LUZP2: variants seen among roughly 807,000 people sequenced by gnomAD.
LUZP2 encodes the protein leucine zipper protein 2.
A neutral mutation model predicts 51.6 loss-of-function variants in LUZP2; 52 were observed. The observed-to-expected ratio is 1.01, with a 90% CI of 0.81 to 1.27. The LOEUF is 1.27. LUZP2 is among the 50% of genes most tolerant of loss of function. The probability of loss-of-function intolerance (pLI) is 0.00; values close to 1 mark genes in which losing one functional copy is unlikely to be tolerated. For synonymous variants in LUZP2, 154 were observed against 137.3 expected (o/e 1.12, Z -0.85); for missense variants, 436 against 395.4 (o/e 1.10, Z -0.87).
At chr11:24,559,252 G>A (rs1297164972) in intron 1 of LUZP2, among the ~76,000 whole-genome samples, 1 of 151,966 alleles carries the variant, frequency 6.6e-6, no homozygotes, top group Admixed American at 6.6e-5. Flanking sequence ...AAATTATAAA[G>A]TCCTGGAAAC....
intron 1 of LUZP2, among the ~76,000 whole-genome samples, chr11:24,587,644 ACATCTTGTGATG>A (rs1194511508): frequency 8.5e-5 from 13 of 152,126 alleles, no homozygotes; most frequent in Admixed American, 8.5e-4. Context: ...AAAACTCAAA[ACATCTTGTGATG>A]ACTACATATT....
intron 7 of LUZP2, among the ~76,000 whole-genome samples, chr11:24,933,768 C>A (rs1282728215): frequency 6.6e-6 from 1 of 152,112 alleles, no homozygotes; most frequent in Non-Finnish European, 1.5e-5. Flanking sequence ...AGCAATAAAT[C>A]TTTTTAATTA....
intron 8 of LUZP2, among the ~76,000 whole-genome samples, chr11:24,981,335 G>T (rs1422674717): frequency 1.3e-5 from 2 of 151,768 alleles, no homozygotes; most frequent in Middle Eastern, 3.2e-3. Flanking sequence ...TTTGTAAAAT[G>T]TCATGGTACT....
intron 1 of LUZP2, among the ~76,000 whole-genome samples, chr11:24,572,298 G>A (rs1852469238): frequency 6.6e-6 from 1 of 151,876 alleles, no homozygotes; most frequent in South Asian, 2.1e-4. Flanking sequence ...GACTCAATTT[G>A]TTAGTTTAGA....
chr11:24,768,798 TG>T (rs1860291427), intron 5 of LUZP2, among the ~76,000 whole-genome samples: 1 of 152,022 alleles, frequency 6.6e-6, no homozygotes, highest in Non-Finnish European at 1.5e-5. Flanking sequence ...ACACTAGGGG[TG>T]GGACTTCAGT....
rs567710512 is a variant in LUZP2, at chr11:24,557,426, T to G, written c.62+60121T>G. Among the ~76,000 whole-genome samples the G allele has an allele frequency of 3.9e-5, 6 of 152,280 alleles. No individual in the cohort carries two copies. The South Asian group carries it at 1.2e-3, about 32-fold the overall frequency. Reference sequence around the variant, plus strand: ...TATTGCCATATGTACAGCAGTTTCTTGGTTATGATTACACTTAGAATTTGA... The same window carrying G: ...TATTGCCATATGTACAGCAGTTTCTGGGTTATGATTACACTTAGAATTTGA... On this transcript the variant is annotated intron_variant, in intron 1 of 11. Coordinates refer to ENST00000336930, the MANE Select transcript of LUZP2 (RefSeq NM_001009909.4).
intron 7 of LUZP2, among the ~76,000 whole-genome samples, chr11:24,964,149 A>C (rs942226418): frequency 6.6e-6 from 1 of 152,228 alleles, no homozygotes; most frequent in Non-Finnish European, 1.5e-5. Context: ...TTCCCTTTTC[A>C]CCACATTCCT....
At chr11:24,528,559 A>C (rs1444456532) in intron 1 of LUZP2, among the ~76,000 whole-genome samples, 1 of 151,346 alleles carries the variant, frequency 6.6e-6, no homozygotes, top group Non-Finnish European at 1.5e-5. Flanking sequence ...CACAACGTAC[A>C]GGTTTGTTAC....
intron 1 of LUZP2, among the ~76,000 whole-genome samples, chr11:24,580,494 G>A (rs960979627): frequency 1.8e-4 from 27 of 151,982 alleles, no homozygotes; most frequent in Admixed American, 1.0e-3. Flanking sequence ...CTAGCATAGC[G>A]TCAACCTAAA....
chr11:24,589,350 A>G (rs1049053316), intron 1 of LUZP2, among the ~76,000 whole-genome samples: 5 of 152,134 alleles, frequency 3.3e-5, no homozygotes, highest in Non-Finnish European at 5.9e-5. Context: ...AAGTGATATG[A>G]TGTGTAGAAA....
chr11:24,699,128 C>CACAT (rs779129609), intron 1 of LUZP2, among the ~76,000 whole-genome samples: 1 of 146,306 alleles, frequency 6.8e-6, no homozygotes, highest in Admixed American at 6.8e-5. Flanking sequence ...CACACACACA[C>CACAT]GAAACAATAA....
intron 7 of LUZP2, among the ~76,000 whole-genome samples, chr11:24,920,316 T>C (rs1854000804): frequency 6.6e-6 from 1 of 152,144 alleles, no homozygotes; most frequent in East Asian, 1.9e-4. Flanking sequence ...AGGGAATTGG[T>C]AGTCCAGTTA....
intron 1 of LUZP2, among the ~76,000 whole-genome samples, chr11:24,676,052 C>T (rs1051350710): frequency 6.6e-6 from 1 of 152,068 alleles, no homozygotes; most frequent in African/African-American, 2.4e-5. Flanking sequence ...CTCCTAACCT[C>T]AAGTGATCTG....
At chr11:24,981,844 T>C (rs1341979197) in intron 8 of LUZP2, among the ~76,000 whole-genome samples, 1 of 151,918 alleles carries the variant, frequency 6.6e-6, no homozygotes, top group Non-Finnish European at 1.5e-5. Context: ...TAGGTGGAAA[T>C]ATTTGCAAAG....
At chr11:24,553,653 T>G (rs1278946739) in intron 1 of LUZP2, among the ~76,000 whole-genome samples, 2 of 152,130 alleles carry the variant, frequency 1.3e-5, no homozygotes, top group Non-Finnish European at 2.9e-5. Flanking sequence ...CTCTTCCTTC[T>G]TAGGGGTTCA....
intron 1 of LUZP2, among the ~76,000 whole-genome samples, chr11:24,693,933 A>G (rs1304868548): frequency 6.6e-6 from 1 of 152,098 alleles, no homozygotes; most frequent in Non-Finnish European, 1.5e-5. Flanking sequence ...AAAAAAATTA[A>G]AAGGATTAAT....
rs1344986132 is a variant in LUZP2, at chr11:24,926,304, CGT to C, written c.522+11771_522+11772del. On this transcript the variant is annotated intron_variant, in intron 7 of 11. Coordinates refer to ENST00000336930, the MANE Select transcript of LUZP2 (RefSeq NM_001009909.4). ...ATATATATACGTGTGTATATATATA[CGT>C]GTGTATATATATACGTGTGTGTATA... Among the ~76,000 whole-genome samples, 6 of 39,188 alleles carry C rather than the reference CGT, an allele frequency of 1.5e-4. 1 individual carries two copies. The highest frequency in any genetic ancestry group is 8.5e-4 in the Admixed American group (3 of 3,522). The allele number at this position is 39,188 out of a possible 152,430, so 25.7% of individuals were successfully genotyped here. A position where few individuals can be genotyped will look rare whatever the true frequency, so the allele number is the denominator to read the frequency against.
chr11:24,900,628 CTG>C (rs1853248074), intron 5 of LUZP2, among the ~76,000 whole-genome samples: 1 of 152,178 alleles, frequency 6.6e-6, no homozygotes, highest in Admixed American at 6.6e-5. Flanking sequence ...GTTAAGCAGA[CTG>C]TATCCTACAC....
At chr11:24,517,379 G>A (rs560485476) in intron 1 of LUZP2, among the ~76,000 whole-genome samples, 11 of 150,296 alleles carry the variant, frequency 7.3e-5, no homozygotes, top group Admixed American at 4.0e-4. Context: ...CCAGCTACTC[G>A]GGAGGCTGAG....
Sources: allele counts gnomAD v4.1 joint callset (sites outside exome capture counted in the v4.1 genomes callset), GRCh38; gene constraint gnomAD v4.1.1; transcripts MANE v1.5; gene names NCBI Gene and HGNC (gene_info 2026-07-23, HGNC 2026-07-21).